The following PDZRN3 variants were observed in gnomAD, a reference collection of about 807,000 sequenced individuals.
PDZRN3 encodes the protein PDZ domain containing ring finger 3, also known as E3 ubiquitin-protein ligase PDZRN3.
PDZRN3 carries 38 observed loss-of-function variants against 85.7 expected under a neutral mutation model. That is an observed-to-expected ratio of 0.44 (90% CI 0.34 to 0.58). The LOEUF is 0.58. PDZRN3 is among the 20% of genes least tolerant of loss of function. The pLI is 0.01. For missense variants in PDZRN3, 1,629 were observed against 1,506.4 expected (o/e 1.08, Z -1.35); for synonymous variants, 759 against 638.0 (o/e 1.19, Z -2.86).
At chr3:73,527,397 A>T (rs554609024) in intron 3 of PDZRN3, among the ~76,000 whole-genome samples, 5 of 152,178 alleles carry the variant, frequency 3.3e-5, no homozygotes, top group Admixed American at 6.5e-5. Flanking sequence ...TTAGAAACGG[A>T]TATCTTGCAT....
chr3:73,431,230 T>G (rs539897696), intron 3 of PDZRN3, among the ~76,000 whole-genome samples: 18 of 152,318 alleles, frequency 1.2e-4, no homozygotes, highest in East Asian at 1.9e-4. Context: ...TGTGGTGGTG[T>G]TGTTTTTCTA....
intron 3 of PDZRN3, among the ~76,000 whole-genome samples, chr3:73,487,976 T>G (rs1339549851): frequency 2.0e-5 from 3 of 152,338 alleles, no homozygotes; most frequent in East Asian, 1.9e-4. Flanking sequence ...ATATGCCTAC[T>G]GTGGGCTGAT....
At position 73,477,250 on chromosome 3, in the gene PDZRN3, C is replaced by A. The variant is rs116125808; in HGVS notation, c.919-72855G>T. On this transcript the variant is annotated intron_variant, in intron 3 of 9. Transcript: ENST00000263666. ...GTTAGCTATAAAGACTATTATTATA[C>A]CCATTAGGCAGAGGAGAAAACCAAG... 4.3e-3 allele frequency among the ~76,000 whole-genome samples: 660 copies of A among 152,222 alleles called. 6 individuals are homozygous for A. Among genetic ancestry groups the A allele is most frequent in the African/African-American group, 0.015 (625 of 41,542 alleles).
At chr3:73,442,994 C>T (rs1258655755) in intron 3 of PDZRN3, among the ~76,000 whole-genome samples, 1 of 152,142 alleles carries the variant, frequency 6.6e-6, no homozygotes, top group Non-Finnish European at 1.5e-5. Flanking sequence ...TTTCTTCCTC[C>T]TTCACCTGAA....
intron 3 of PDZRN3, among the ~76,000 whole-genome samples, chr3:73,437,369 C>T (rs748888083): frequency 2.0e-5 from 3 of 152,104 alleles, no homozygotes; most frequent in East Asian, 1.9e-4. Flanking sequence ...GTCATGTAAC[C>T]GCTAGAAAAC....
intron 3 of PDZRN3, among the ~76,000 whole-genome samples, chr3:73,508,152 C>T (rs544997627): frequency 2.6e-5 from 4 of 152,226 alleles, no homozygotes; most frequent in East Asian, 1.9e-4. Context: ...GCTTGGCTAT[C>T]GACTAGAAAT....
At position 73,389,546 on chromosome 3, in the gene PDZRN3, T is replaced by G. The variant is rs117544281; in HGVS notation, c.1416+270A>C. ...TTGATCCAAACAGAATGAAACAAAATAAGGAGAACTGGCTCAAATTTTGCA... is the reference window on the plus strand; with the variant it reads ...TTGATCCAAACAGAATGAAACAAAAGAAGGAGAACTGGCTCAAATTTTGCA... On this transcript the variant is annotated intron_variant, in intron 7 of 9. Coordinates refer to ENST00000263666, the MANE Select transcript of PDZRN3 (RefSeq NM_015009.3). Among the ~76,000 whole-genome samples the G allele has an allele frequency of 9.4e-4, 143 of 152,232 alleles. 3 individuals carry two copies. In the East Asian group the frequency reaches 0.027, roughly 29 times the overall value.
In PDZRN3 at chr3:73,437,515, A is replaced by T. The variant is rs957906190; in HGVS notation, c.919-33120T>A. Among the ~76,000 whole-genome samples the T allele has an allele frequency of 3.5e-4, 54 of 152,200 alleles. 1 individual carries two copies. Among genetic ancestry groups the T allele is most frequent in the African/African-American group, 1.3e-3 (54 of 41,446 alleles). On this transcript the variant is annotated intron_variant, in intron 3 of 9. Coordinates refer to ENST00000263666, the MANE Select transcript of PDZRN3 (RefSeq NM_015009.3). ...GGTGCCCGGGCCTCACTTTGAGAACAGCTGCCTTACAAGGGTACTTTGGTG... is the reference window on the plus strand; with the variant it reads ...GGTGCCCGGGCCTCACTTTGAGAACTGCTGCCTTACAAGGGTACTTTGGTG...
At chr3:73,557,258 A>G (rs923368961) in intron 3 of PDZRN3, among the ~76,000 whole-genome samples, 2 of 152,228 alleles carry the variant, frequency 1.3e-5, no homozygotes, top group African/African-American at 4.8e-5. Context: ...AATGATGGGA[A>G]GCCAGCTGCT....
chr3:73,432,960 T>C (rs1702461787), intron 3 of PDZRN3, among the ~76,000 whole-genome samples: 2 of 152,308 alleles, frequency 1.3e-5, no homozygotes, highest in Admixed American at 6.5e-5. Context: ...TTGACAAAGA[T>C]GTAAGATAAA....
chr3:73,533,187 C>T (rs1388418072), intron 3 of PDZRN3, among the ~76,000 whole-genome samples: 2 of 152,206 alleles, frequency 1.3e-5, no homozygotes, highest in Non-Finnish European at 2.9e-5. Flanking sequence ...ATCTAGCAAT[C>T]TCTCTTAATT....
chr3:73,598,343 T>A (rs1435307547), intron 3 of PDZRN3, among the ~76,000 whole-genome samples: 1 of 152,196 alleles, frequency 6.6e-6, no homozygotes, highest in Non-Finnish European at 1.5e-5. Context: ...ATATTTACAG[T>A]TTCGAATGAA....
intron 3 of PDZRN3, among the ~76,000 whole-genome samples, chr3:73,470,874 C>A (rs74733814): frequency 2.6e-5 from 4 of 152,290 alleles, no homozygotes; most frequent in Non-Finnish European, 4.4e-5. Flanking sequence ...AGAAAATTAA[C>A]CTTCAATGAA....
intron 3 of PDZRN3, among the ~76,000 whole-genome samples, chr3:73,458,215 A>G (rs553363434): frequency 2.6e-5 from 4 of 152,212 alleles, no homozygotes; most frequent in African/African-American, 9.6e-5. Context: ...CTTCATCCAC[A>G]CAATGAGAAA....
chr3:73,481,659 T>C (rs1404542498), intron 3 of PDZRN3, among the ~76,000 whole-genome samples: 3 of 152,234 alleles, frequency 2.0e-5, no homozygotes, highest in Admixed American at 6.5e-5. Flanking sequence ...CCTATAAGAC[T>C]GAAAGCTGGA....
At chr3:73,543,466 TA>T (rs533673416) in intron 3 of PDZRN3, among the ~76,000 whole-genome samples, 322 of 152,368 alleles carry the variant, frequency 2.1e-3, no homozygotes, top group Non-Finnish European at 3.5e-3. Flanking sequence ...ATCCAGACTT[TA>T]AATTTGTTCT....
intron 3 of PDZRN3, among the ~76,000 whole-genome samples, chr3:73,509,809 C>A (rs968886645): frequency 2.0e-5 from 3 of 152,190 alleles, no homozygotes; most frequent in Non-Finnish European, 4.4e-5. Flanking sequence ...CAACTTCCTG[C>A]CTTGAATCCT....
At chr3:73,403,497 C>T (rs985141330) in intron 4 of PDZRN3, among the ~76,000 whole-genome samples, 1 of 152,094 alleles carries the variant, frequency 6.6e-6, no homozygotes, top group Admixed American at 6.6e-5. Flanking sequence ...AAAAATACAG[C>T]CCCACAAAAC....
At chr3:73,460,159 G>A (rs1703074134) in intron 3 of PDZRN3, among the ~76,000 whole-genome samples, 1 of 152,104 alleles carries the variant, frequency 6.6e-6, no homozygotes, top group Non-Finnish European at 1.5e-5. Flanking sequence ...TTTCTGTGGT[G>A]GTTGTTCTAA....
Sources: gnomAD v4.1 joint callset for allele counts (sites outside exome capture counted in the v4.1 genomes callset) on GRCh38, gnomAD v4.1.1 for gene constraint, MANE v1.5 for transcripts, NCBI Gene and HGNC (gene_info 2026-07-23, HGNC 2026-07-21) for gene names.